The following NPFFR2 variants were observed in gnomAD, a reference collection of about 807,000 sequenced individuals.
The protein encoded by NPFFR2 is neuropeptide FF receptor 2.
A neutral mutation model predicts 13.1 loss-of-function variants in NPFFR2; 15 were observed. The observed-to-expected ratio is 1.15, with a 90% CI of 0.77 to 1.76. The LOEUF is 1.76. NPFFR2 is among the 40% of genes most tolerant of loss of function. The pLI, the probability that NPFFR2 is intolerant of heterozygous loss-of-function variation, is 0.00. For synonymous variants in NPFFR2, 190 were observed against 175.7 expected, an observed-to-expected ratio of 1.08 and a Z score of -0.65; for missense variants, 572 against 503.5, an observed-to-expected ratio of 1.14 and a Z score of -1.30.
At chr4:72,041,731 C>T (rs1719225500) in intron 1 of NPFFR2, among the ~76,000 whole-genome samples, 1 of 152,084 alleles carries the variant, frequency 6.6e-6, no homozygotes, top group South Asian at 2.1e-4. Flanking sequence ...GTTTGATTTG[C>T]ATTTCTCTGA....
intron 1 of NPFFR2, among the ~76,000 whole-genome samples, chr4:72,113,736 C>T (rs183851010): frequency 2.8e-4 from 43 of 152,118 alleles, no homozygotes; most frequent in Non-Finnish European, 1.2e-4. Flanking sequence ...CTCAGACAGC[C>T]CTGGGGGGTT....
chr4:72,043,824 C>A (rs1256061964), intron 1 of NPFFR2, among the ~76,000 whole-genome samples: 1 of 152,056 alleles, frequency 6.6e-6, no homozygotes, highest in Non-Finnish European at 1.5e-5. Flanking sequence ...TGAGTCAAGA[C>A]TTTAGGGGAC....
At chr4:72,058,134 T>A (rs1057454520) in intron 1 of NPFFR2, among the ~76,000 whole-genome samples, 1 of 152,036 alleles carries the variant, frequency 6.6e-6, no homozygotes, top group South Asian at 2.1e-4. Context: ...TTATCAGTGA[T>A]AATTTCCTGA....
chr4:72,120,318 G>C (rs867391448), intron 1 of NPFFR2, among the ~76,000 whole-genome samples: 1 of 148,870 alleles, frequency 6.7e-6, no homozygotes, highest in Non-Finnish European at 1.5e-5. Context: ...AAGAGCGGCT[G>C]TGGGTGCAAC....
At chr4:72,100,841 T>C (rs1157618856) in intron 1 of NPFFR2, among the ~76,000 whole-genome samples, 1 of 152,006 alleles carries the variant, frequency 6.6e-6, no homozygotes, top group Non-Finnish European at 1.5e-5. Context: ...TTTCTTGTAT[T>C]GTTAGAAAAA....
At chr4:72,112,743 C>A (rs1721602239) in intron 1 of NPFFR2, among the ~76,000 whole-genome samples, 1 of 151,842 alleles carries the variant, frequency 6.6e-6, no homozygotes, top group Admixed American at 6.6e-5. Context: ...ATTGTGACAT[C>A]TGTGAGTCAT....
At chr4:72,097,642 A>G (rs1721109005) in intron 1 of NPFFR2, among the ~76,000 whole-genome samples, 1 of 152,136 alleles carries the variant, frequency 6.6e-6, no homozygotes, top group Admixed American at 6.6e-5. Context: ...TTACATTTAA[A>G]CTGCACTTTC....
chr4:72,081,065 T>G (rs1294383957), intron 1 of NPFFR2, among the ~76,000 whole-genome samples: 1 of 152,176 alleles, frequency 6.6e-6, no homozygotes, highest in Non-Finnish European at 1.5e-5. Flanking sequence ...TCTGCTCCAG[T>G]GCTTCAAGAT....
chr4:72,068,054 G>T (rs1435666979), intron 1 of NPFFR2, among the ~76,000 whole-genome samples: 1 of 152,126 alleles, frequency 6.6e-6, no homozygotes, highest in Non-Finnish European at 1.5e-5. Flanking sequence ...TTTCCAGTCT[G>T]TAGCCATTAC....
Position 72,051,701 on chromosome 4 carries a change from C to T in NPFFR2, c.-8+19501C>T, listed in dbSNP as rs568224552. On this transcript the variant is annotated intron_variant, in intron 1 of 3. Coordinates refer to ENST00000308744, the MANE Select transcript of NPFFR2 (RefSeq NM_004885.3). ...AAACCCTTCAAAAAATTGGTGAATCCAGGATCTGGTTCTTTGAAAGGATCA... is the reference window on the plus strand; with the variant it reads ...AAACCCTTCAAAAAATTGGTGAATCTAGGATCTGGTTCTTTGAAAGGATCA... 3.9e-5 allele frequency among the ~76,000 whole-genome samples: 6 copies of T among 152,098 alleles called. No individual in the cohort carries two copies. In the South Asian group the frequency reaches 1.2e-3, roughly 32 times the overall value.
intron 1 of NPFFR2, among the ~76,000 whole-genome samples, chr4:72,045,427 A>G (rs1294416409): frequency 6.6e-6 from 1 of 152,082 alleles, no homozygotes; most frequent in Non-Finnish European, 1.5e-5. Flanking sequence ...TTTGGTTACT[A>G]TAGCCTTATA....
At chr4:72,037,578 TCAG>T (rs1290128742) in intron 1 of NPFFR2, among the ~76,000 whole-genome samples, 1 of 152,300 alleles carries the variant, frequency 6.6e-6, no homozygotes, top group East Asian at 1.9e-4. Context: ...GACAACTCTC[TCAG>T]CAGAGTTCGT....
intron 2 of NPFFR2, among the ~76,000 whole-genome samples, chr4:72,130,796 A>G (rs571056708): frequency 7.0e-4 from 107 of 152,304 alleles, no homozygotes; most frequent in Middle Eastern, 6.8e-3. Flanking sequence ...CAGACAGCTA[A>G]GTGTTAACCA....
At chr4:72,120,190 C>G (rs183196418) in intron 1 of NPFFR2, among the ~76,000 whole-genome samples, 6 of 152,320 alleles carry the variant, frequency 3.9e-5, no homozygotes, top group Non-Finnish European at 8.8e-5. Context: ...GGCAAAGCCA[C>G]AGTAGCCAGA....
chr4:72,057,204 CAT>C (rs60615757), intron 1 of NPFFR2, among the ~76,000 whole-genome samples: 95,012 of 147,486 alleles, frequency 0.64, 29,931 homozygotes, highest in Admixed American at 0.69. Context: ...TCATCATCAT[CAT>C]TGACTCAGGT....
intron 1 of NPFFR2, among the ~76,000 whole-genome samples, chr4:72,056,679 G>C (rs1719755361): frequency 6.6e-6 from 1 of 151,988 alleles, no homozygotes. Flanking sequence ...TAGATGCCAT[G>C]AATATTTGTG....
intron 1 of NPFFR2, among the ~76,000 whole-genome samples, chr4:72,039,576 T>G (rs961755561): frequency 1.3e-5 from 2 of 152,220 alleles, no homozygotes; most frequent in African/African-American, 4.8e-5. Context: ...CCATGTTGAT[T>G]GTTATGGATA....
intron 3 of NPFFR2, among the ~76,000 whole-genome samples, chr4:72,142,897 T>G (rs1469545159): frequency 6.6e-6 from 1 of 152,208 alleles, no homozygotes; most frequent in Non-Finnish European, 1.5e-5. Flanking sequence ...GGCTACAATC[T>G]GGCGGAGCAG....
chr4:72,076,418 T>C (rs1720439638), intron 1 of NPFFR2, among the ~76,000 whole-genome samples: 1 of 152,120 alleles, frequency 6.6e-6, no homozygotes. Flanking sequence ...TATCTCCTTT[T>C]AATAATATTG....
Sources: gnomAD v4.1 joint callset for allele counts (sites outside exome capture counted in the v4.1 genomes callset) on GRCh38, gnomAD v4.1.1 for gene constraint, MANE v1.5 for transcripts, NCBI Gene and HGNC (gene_info 2026-07-23, HGNC 2026-07-21) for gene names.